SKI: variants seen among roughly 807,000 people sequenced by gnomAD.
SKI encodes SKI proto-oncogene, also known as ski oncogene.
A neutral mutation model predicts 59.3 loss-of-function variants in SKI; 23 were observed. The ratio of observed to expected loss-of-function variants is 0.39; its 90% CI spans 0.28 to 0.55. SKI has a LOEUF of 0.55. SKI is among the 20% of genes least tolerant of loss of function. The pLI is 0.67. For missense variants in SKI, 1,017 were observed against 1,038.9 expected (o/e 0.98, Z 0.29); for synonymous variants, 673 against 488.6 (o/e 1.38, Z -4.98).
At chr1:2,263,675 T>G (rs913259496) in intron 1 of SKI, among the ~76,000 whole-genome samples, 9 of 152,068 alleles carry the variant, frequency 5.9e-5, no homozygotes, top group Middle Eastern at 3.4e-3. Context: ...CCTCCTAAGT[T>G]TTCTGAAGAA....
chr1:2,264,694 G>A (rs75817708), intron 1 of SKI, among the ~76,000 whole-genome samples: 1 of 152,102 alleles, frequency 6.6e-6, no homozygotes, highest in Non-Finnish European at 1.5e-5. Flanking sequence ...GAGCCACCGT[G>A]CCTGGCCCCA....
At position 2,268,443 on chromosome 1, in the gene SKI, G is replaced by C. The variant is rs576334513; in HGVS notation, c.970-34535G>C. Among the ~76,000 whole-genome samples the C allele has an allele frequency of 6.6e-6, 1 of 152,186 alleles. No individual in the cohort carries two copies. Among genetic ancestry groups the C allele is most frequent in the Admixed American group, 6.5e-5 (1 of 15,284 alleles). On this transcript the variant is annotated intron_variant, in intron 1 of 6. Transcript: ENST00000378536. This position sits in a 1 kb window ranked among gnomAD's most constrained non-coding sequence, Gnocchi z 5.0. ...TGATGGAGGGCCTCTTGTTAAGGGG[G>C]CACGGTAGTGAGTCAGGTGCCCGGG...
chr1:2,283,975 T>C (rs1005088435), intron 1 of SKI, among the ~76,000 whole-genome samples: 4 of 152,162 alleles, frequency 2.6e-5, no homozygotes, highest in African/African-American at 9.7e-5. Context: ...AGAGCTGCTG[T>C]CTGCCCGCAG....
intron 1 of SKI, among the ~76,000 whole-genome samples, chr1:2,284,213 G>C (rs1372538706): frequency 6.6e-6 from 1 of 152,046 alleles, no homozygotes; most frequent in Non-Finnish European, 1.5e-5. Flanking sequence ...CGTCCTCCCC[G>C]TTCCACTGGC....
chr1:2,298,286 G>A (rs557174519), intron 1 of SKI, among the ~76,000 whole-genome samples: 2 of 152,204 alleles, frequency 1.3e-5, no homozygotes, highest in Admixed American at 1.3e-4. Flanking sequence ...CTGACAGGTT[G>A]CTGGGCTGCA....
At chr1:2,236,339 G>A (rs1297835275) in intron 1 of SKI, among the ~76,000 whole-genome samples, 1 of 152,236 alleles carries the variant, frequency 6.6e-6, no homozygotes, top group East Asian at 1.9e-4. Flanking sequence ...TGCAGGCACT[G>A]GCAGTCAAGG....
intron 1 of SKI, among the ~76,000 whole-genome samples, chr1:2,272,129 G>A (rs930340277): frequency 6.6e-6 from 1 of 152,188 alleles, no homozygotes; most frequent in Non-Finnish European, 1.5e-5. Context: ...TCACTGCCCC[G>A]ATTTTTATTG....
At chr1:2,257,328 C>T (rs1292518355) in intron 1 of SKI, among the ~76,000 whole-genome samples, 3 of 152,286 alleles carry the variant, frequency 2.0e-5, no homozygotes, top group South Asian at 2.1e-4. Context: ...TCAAGGCTGA[C>T]GTGCCAATGG....
chr1:2,280,182 A>G (rs1639840784), intron 1 of SKI, among the ~76,000 whole-genome samples: 1 of 151,614 alleles, frequency 6.6e-6, no homozygotes, highest in South Asian at 2.1e-4. Context: ...AGCCTGGCTG[A>G]TATGGTGAAA....
rs878854599 is a variant in SKI at position 2,229,253 on chromosome 1, G to A, written c.487G>A (p.Val163Ile). ...CTADQLEILK[V>I]MGILPFSAPS... ...GGCCGACCAGCTGGAGATCCTCAAA[G>A]TCATGGGCATCCTGCCCTTCTCGGC... is the stretch of plus-strand genomic sequence containing the variant. Residue 163 changes from valine (V) to isoleucine (I), a missense_variant, in exon 1 of 7, where the codon GTC becomes ATC. Transcript: ENST00000378536. This position sits in a 1 kb window ranked among gnomAD's most constrained non-coding sequence, Gnocchi z 6.3. 6.2e-7 allele frequency: 1 copy of A among 1,602,476 alleles called. No individual in the cohort carries two copies. The highest frequency in any genetic ancestry group is 8.5e-7 in the Non-Finnish European group (1 of 1,175,168).
chr1:2,257,040 C>T (rs1374173549), intron 1 of SKI, among the ~76,000 whole-genome samples: 1 of 152,222 alleles, frequency 6.6e-6, no homozygotes, highest in Non-Finnish European at 1.5e-5. Flanking sequence ...CTCAGGATTA[C>T]TCTCTGGAGG....
intron 1 of SKI, among the ~76,000 whole-genome samples, chr1:2,296,112 C>G (rs1406465969): frequency 6.6e-6 from 1 of 151,928 alleles, no homozygotes; most frequent in South Asian, 2.1e-4. Context: ...AGGCCAGGCG[C>G]TCATGCCTGT....
rs1450625959 is a variant in SKI, at chr1:2,306,586, C to T, written c.2008C>T (p.Leu670=). The change falls in exon 7 of 7, where the codon CTG becomes TTG. Residue 670 remains leucine (L), a synonymous_variant. Coordinates refer to ENST00000378536, the MANE Select transcript of SKI (RefSeq NM_003036.4). ...CTCGGCTCCCTTTCAGATCGAAGAC[C>T]TGCAGGTGAAGCTGCAGCACGCGGA... ...RAKYSAQIED[L]QVKLQHAEAD... 1.9e-6 allele frequency: 3 copies of T among 1,543,030 alleles called. No homozygotes were observed. Among genetic ancestry groups the T allele is most frequent in the East Asian group, 2.5e-5 (1 of 40,718 alleles).
intron 1 of SKI, among the ~76,000 whole-genome samples, chr1:2,241,615 G>A (rs545649178): frequency 6.6e-6 from 1 of 151,922 alleles, no homozygotes; most frequent in African/African-American, 2.4e-5. Flanking sequence ...GGATGGTCTC[G>A]ATCTCCTGAC....
At chr1:2,257,721 T>C (rs1639302694) in intron 1 of SKI, among the ~76,000 whole-genome samples, 1 of 152,072 alleles carries the variant, frequency 6.6e-6, no homozygotes, top group African/African-American at 2.4e-5. Flanking sequence ...TTTTATATTT[T>C]ATATATTTAT....
chr1:2,275,819 C>G (rs1226712053), intron 1 of SKI, among the ~76,000 whole-genome samples: 1 of 152,182 alleles, frequency 6.6e-6, no homozygotes, highest in Non-Finnish European at 1.5e-5. Context: ...CAGCGTTTAT[C>G]TTTAAATGTG....
intron 1 of SKI, among the ~76,000 whole-genome samples, chr1:2,235,829 G>A (rs1052904966): frequency 3.3e-5 from 5 of 152,254 alleles, no homozygotes; most frequent in Non-Finnish European, 7.3e-5. Flanking sequence ...CGGAGGTGGC[G>A]TGGTGGTGCC....
chr1:2,285,659 G>T (rs570944528), intron 1 of SKI, among the ~76,000 whole-genome samples: 18 of 151,176 alleles, frequency 1.2e-4, no homozygotes, highest in African/African-American at 4.1e-4. Context: ...CCGCCTCCCG[G>T]GTTCAGGCAG....
chr1:2,264,011 A>AT (rs2100842878), intron 1 of SKI, among the ~76,000 whole-genome samples: 1 of 104,342 alleles, frequency 9.6e-6, no homozygotes, highest in African/African-American at 3.6e-5. Flanking sequence ...CACTGTTTCT[A>AT]TTAAAAAAAA....
Sources: allele counts gnomAD v4.1 joint callset (sites outside exome capture counted in the v4.1 genomes callset), GRCh38; gene constraint gnomAD v4.1.1; non-coding constraint Gnocchi (gnomAD v3.1); transcripts MANE v1.5; gene names NCBI Gene and HGNC (gene_info 2026-07-23, HGNC 2026-07-21).